Variants in ATP8B4 observed in about 807,000 individuals in gnomAD.
ATP8B4 encodes the protein ATPase phospholipid transporting 8B4 (putative), also known as probable phospholipid-transporting ATPase IM.
A neutral mutation model predicts 145.6 loss-of-function variants in ATP8B4; 133 were observed. The observed-to-expected ratio is 0.91, with a 90% CI of 0.79 to 1.05. The LOEUF (loss-of-function observed/expected upper bound fraction) is 1.05, where lower values mean the gene tolerates loss of function less well. ATP8B4 is among the 50% of genes least tolerant of loss of function. The pLI, the probability that ATP8B4 is intolerant of heterozygous loss-of-function variation, is 0.00. For missense variants in ATP8B4, 1,458 were observed against 1,425.2 expected, an observed-to-expected ratio of 1.02 and a Z score of -0.37; for synonymous variants, 507 against 492.9, an observed-to-expected ratio of 1.03 and a Z score of -0.38.
intron 20 of ATP8B4, among the ~76,000 whole-genome samples, 183 bp downstream of exon 20, chr15:49,916,751 A>G (rs1353620157): frequency 6.6e-6 from 1 of 152,206 alleles, no homozygotes; most frequent in East Asian, 1.9e-4. Flanking sequence ...CATTACTGAT[A>G]TCAGCTTCAT....
intron 3 of ATP8B4, among the ~76,000 whole-genome samples, chr15:50,059,399 G>A (rs929971850): frequency 1.3e-5 from 2 of 152,200 alleles, no homozygotes; most frequent in Non-Finnish European, 2.9e-5. Context: ...AAATAACAGT[G>A]TGACTTAGTT....
At chr15:49,952,957 G>T (rs1050789238) in intron 14 of ATP8B4, among the ~76,000 whole-genome samples, 2 of 151,992 alleles carry the variant, frequency 1.3e-5, no homozygotes, top group Admixed American at 6.6e-5. Flanking sequence ...TCAATAGTCA[G>T]GTTCCTCTTC....
At chr15:49,928,715 G>C (rs147213669) in intron 16 of ATP8B4, among the ~76,000 whole-genome samples, 1 of 151,996 alleles carries the variant, frequency 6.6e-6, no homozygotes, top group East Asian at 1.9e-4. Context: ...TAGGAAAAAA[G>C]GACAAAAAGC....
chr15:50,174,632 A>G (rs1375491514), intron 1 of ATP8B4, among the ~76,000 whole-genome samples: 2 of 152,166 alleles, frequency 1.3e-5, no homozygotes, highest in African/African-American at 2.4e-5. Context: ...CACACTGCTG[A>G]AAGAAATCAT....
chr15:49,981,441 A>T, intron 10 of ATP8B4, 147 bp from the exon 11 acceptor site: 1 of 610,670 alleles, frequency 1.6e-6, no homozygotes, highest in Non-Finnish European at 2.8e-6. Context: ...ATTAAGTTGT[A>T]CATGATTCTC....
rs190619562 is a variant in ATP8B4, at chr15:50,099,024, C to G, written c.28+7915G>C. ...CCACAAAGGCAAAAGTGCCTAGAGC[C>G]CACAGAAGACATACACAGCCCCGGT... On this transcript the variant is annotated intron_variant, in intron 2 of 27. Transcript: ENST00000284509. Among the ~76,000 whole-genome samples the G allele has an allele frequency of 6.0e-3, 911 of 152,222 alleles. 3 individuals are homozygous for G. Among genetic ancestry groups the G allele is most frequent in the Admixed American group, 8.4e-3 (128 of 15,288 alleles).
chr15:49,900,964 C>T (rs185367539), intron 21 of ATP8B4, 128 bp downstream of exon 21: 7 of 1,181,306 alleles, frequency 5.9e-6, no homozygotes, highest in Middle Eastern at 2.3e-4. Flanking sequence ...AGGAAATCAT[C>T]GCATATGCCC....
upstream of ATP8B4, among the ~76,000 whole-genome samples, chr15:50,120,625 C>G (rs937500120): frequency 2.0e-4 from 31 of 152,052 alleles, no homozygotes; most frequent in African/African-American, 7.5e-4. Flanking sequence ...GTTTTTATTT[C>G]TTAGGAATTT....
chr15:49,961,924 A>G, intron 14 of ATP8B4, 53 bp downstream of exon 14: 2 of 1,433,316 alleles, frequency 1.4e-6, no homozygotes, highest in Non-Finnish European at 1.9e-6. Context: ...TTTTCTTAAA[A>G]GTACATATAA....
intron 10 of ATP8B4, among the ~76,000 whole-genome samples, chr15:49,984,303 A>G (rs2046401571): frequency 6.6e-6 from 1 of 152,206 alleles, no homozygotes; most frequent in East Asian, 1.9e-4. Flanking sequence ...TAGTCAACCA[A>G]TATTTAAGAC....
intron 15 of ATP8B4, among the ~76,000 whole-genome samples, chr15:49,931,534 G>A (rs1408420760): frequency 6.6e-6 from 1 of 151,898 alleles, no homozygotes. Context: ...TCATCTTATA[G>A]GAAAACATCC....
At chr15:49,941,708 A>G (rs961764649) in intron 14 of ATP8B4, among the ~76,000 whole-genome samples, 2 of 152,170 alleles carry the variant, frequency 1.3e-5, no homozygotes, top group African/African-American at 4.8e-5. Context: ...CCAAAGGAAA[A>G]TAAGTCATCA....
At chr15:49,953,940 G>A (rs919677204) in intron 14 of ATP8B4, among the ~76,000 whole-genome samples, 3 of 152,284 alleles carry the variant, frequency 2.0e-5, no homozygotes, top group Middle Eastern at 3.4e-3. Flanking sequence ...CCCCTTCTCT[G>A]TATGTCTCTC....
At chr15:50,028,726 A>G (rs1042762938) in intron 6 of ATP8B4, among the ~76,000 whole-genome samples, 10 of 152,152 alleles carry the variant, frequency 6.6e-5, no homozygotes, top group African/African-American at 2.4e-4. Context: ...TAATTGTGGA[A>G]TAACTTTTAC....
intron 24 of ATP8B4, among the ~76,000 whole-genome samples, chr15:49,878,458 G>A (rs1454709045): frequency 6.6e-6 from 1 of 152,180 alleles, no homozygotes; most frequent in East Asian, 1.9e-4. Context: ...CTTTGGCCCA[G>A]AAAATGAGGC....
chr15:50,041,687 T>C (rs772977633), intron 5 of ATP8B4, among the ~76,000 whole-genome samples: 4 of 152,186 alleles, frequency 2.6e-5, no homozygotes, highest in Non-Finnish European at 5.9e-5. Flanking sequence ...CTCATGCCTG[T>C]AATCCCAGGA....
chr15:49,935,054 A>C (rs564123488), intron 14 of ATP8B4, among the ~76,000 whole-genome samples: 1 of 152,204 alleles, frequency 6.6e-6, no homozygotes, highest in Non-Finnish European at 1.5e-5. Flanking sequence ...TACTTTTTTA[A>C]AGAGAAACAA....
chr15:50,124,840 T>C (rs143637315), intron 1 of ATP8B4, among the ~76,000 whole-genome samples: 42 of 152,308 alleles, frequency 2.8e-4, no homozygotes, highest in African/African-American at 9.9e-4. Context: ...ATCTGAACCA[T>C]GTGTTCCAGA....
At chr15:50,132,352 T>C (rs938317059) in intron 1 of ATP8B4, among the ~76,000 whole-genome samples, 9 of 151,942 alleles carry the variant, frequency 5.9e-5, no homozygotes, top group African/African-American at 1.9e-4. Flanking sequence ...CCAACAAACA[T>C]GAAAAAAGGC....
Sources: allele counts gnomAD v4.1 joint callset (sites outside exome capture counted in the v4.1 genomes callset), GRCh38; gene constraint gnomAD v4.1.1; transcripts MANE v1.5; gene names NCBI Gene and HGNC (gene_info 2026-07-23, HGNC 2026-07-21).